The following ADAD2 variants were observed in gnomAD, a reference collection of about 807,000 sequenced individuals.
The protein encoded by ADAD2 is adenosine deaminase domain containing 2, also known as adenosine deaminase domain-containing protein 2.
ADAD2 carries 60 observed loss-of-function variants against 54.5 expected under a neutral mutation model. The observed-to-expected ratio is 1.10, with a 90% CI of 0.89 to 1.36. The LOEUF is 1.36. ADAD2 is among the 40% of genes most tolerant of loss of function. The pLI is 0.00. For missense variants in ADAD2, 1,103 were observed against 801.3 expected (o/e 1.38, Z -4.54); for synonymous variants, 543 against 366.2 (o/e 1.48, Z -5.51).
At chr16:84,194,076 G>T in intron 1 of ADAD2, 1 of 1,613,656 alleles carries the variant, frequency 6.2e-7, no homozygotes, top group Non-Finnish European at 8.5e-7. Context: ...AGGTGGAAGT[G>T]CTCAGAGCCT....
rs757553820 is a variant in ADAD2, at chr16:84,196,365, G to A, written c.1521G>A (p.Lys507=). The A allele has an allele frequency of 3.1e-6, 5 of 1,610,904 alleles. No homozygotes were observed. The highest frequency in any genetic ancestry group is 4.2e-6 in the Non-Finnish European group (5 of 1,178,936). ...TGGATGTGGCCACCGGGCGTGTGAA[G>A]GCCAAGTGAGAAGGGCCCCCTGGGG... The part of the protein sequence containing the change: ...EVVDVATGRV[K]ANAALGPPSR... Residue 507 remains lysine, a synonymous_variant, in exon 8 of 10, where the codon AAG becomes AAA. Coordinates refer to ENST00000315906, the MANE Select transcript of ADAD2 (RefSeq NM_001145400.2).
Position 84,195,057 on chromosome 16 carries a change from G to T in ADAD2, c.608-12G>T. 1 of 1,612,880 alleles carries T rather than the reference G, an allele frequency of 6.2e-7. No individual in the cohort carries two copies. The highest frequency in any genetic ancestry group is 8.5e-7 in the Non-Finnish European group (1 of 1,179,546). On this transcript the variant is annotated splice_polypyrimidine_tract_variant and intron_variant, in intron 3 of 9. Transcript: ENST00000315906. ...GGCCCCCTTCTACCTGCAGTCTCTC[G>T]CCCTGGCGCAGAGAACATCCTGACC...
rs761429242 is a variant in ADAD2 at position 84,195,641 on chromosome 16, C to T, written c.996C>T (p.Arg332=). 32 of 1,601,558 alleles carry T rather than the reference C, an allele frequency of 2.0e-5. No individual in the cohort carries two copies. The highest frequency in any genetic ancestry group is 1.2e-4 in the South Asian group (11 of 89,552). Residue 332 remains arginine, a synonymous_variant, in exon 6 of 10, where the codon CGC becomes CGT. Coordinates refer to ENST00000315906, the MANE Select transcript of ADAD2 (RefSeq NM_001145400.2). ...GPGPPFTLKP[R]VFLHLYISNT... ...GACCCCCATTCACCCTCAAGCCCCG[C>T]GTCTTCCTGCACCTCTACATCAGCA...
Position 84,195,282 on chromosome 16 carries a change from C to T in ADAD2, c.734-14C>T, listed in dbSNP as rs756181546. 31 of 1,612,184 alleles carry T rather than the reference C, an allele frequency of 1.9e-5. No individual in the cohort carries two copies. Among genetic ancestry groups the T allele is most frequent in the Non-Finnish European group, 2.4e-5 (28 of 1,179,836 alleles). ...TTGCCTTAGGCTGGGCCGTCTCTGC[C>T]CCCTCCTGCACAGAGATCCCGCGTG... On this transcript the variant is annotated splice_polypyrimidine_tract_variant and intron_variant, in intron 4 of 9. Transcript: ENST00000315906.
rs748733074 is a variant in ADAD2 at position 84,195,430 on chromosome 16, C to T, written c.868C>T (p.Arg290Cys). Residue 290 changes from arginine (R) to cysteine (C), a missense_variant, in exon 5 of 10, where the codon CGC becomes TGC. Coordinates refer to ENST00000315906, the MANE Select transcript of ADAD2 (RefSeq NM_001145400.2). ...CGACTGCCATGGCCTGGTCATCGCCCGCAGGGCCCTGCTGAGGTGAGGGGC... is the reference window on the plus strand; with the variant it reads ...CGACTGCCATGGCCTGGTCATCGCCTGCAGGGCCCTGCTGAGGTGAGGGGC... ...LHDCHGLVIA[R>C]RALLRFLFRQ... is the part of the protein sequence containing the mutation. 1.1e-5 allele frequency: 18 copies of T among 1,609,704 alleles called. No homozygotes were observed. Among genetic ancestry groups the T allele is most frequent in the South Asian group, 9.9e-5 (9 of 90,980 alleles).
intron 1 of ADAD2, chr16:84,193,639 A>G (rs956692198): frequency 1.1e-5 from 2 of 180,188 alleles, no homozygotes; most frequent in Non-Finnish European, 2.4e-5. Context: ...TCATGTAGAT[A>G]TCCTGTCCCT....
In ADAD2 at chr16:84,195,500, T is replaced by G. The variant is rs373557886; in HGVS notation, c.885-30T>G. ...AGCAGCCTTCGCCAGGACAAGGTCT[T>G]CCCAACCACCCTGTGCCTGTCGCTC... On this transcript the variant is annotated intron_variant, in intron 5 of 9. Transcript: ENST00000315906. 13 of 1,603,966 alleles carry G rather than the reference T, an allele frequency of 8.1e-6. No individual in the cohort carries two copies. In the African/African-American group the frequency reaches 1.7e-4, roughly 21 times the overall value.
chr16:84,196,882 C>A lies in ADAD2; in HGVS notation c.1660C>A (p.Gln554Lys), dbSNP rs767423794. Residue 554 changes from glutamine to lysine, a missense_variant, in exon 10 of 10, where the codon CAG becomes AAG. Physicochemically the swap from Gln to Lys is moderately conservative, Grantham distance 53. Transcript: ENST00000315906. ...TYEAAKAGPY[Q>K]EARRQLSLLL... ...TCTCCCGCCCTAGGCTGGGCCCTACCAGGAGGCTCGCAGGCAGCTGTCTCT... is the reference window on the plus strand; with the variant it reads ...TCTCCCGCCCTAGGCTGGGCCCTACAAGGAGGCTCGCAGGCAGCTGTCTCT... The A allele has an allele frequency of 1.3e-6, 2 of 1,593,478 alleles. No individual in the cohort carries two copies. The highest frequency in any genetic ancestry group is 1.7e-6 in the Non-Finnish European group (2 of 1,170,202).
At position 84,195,209 on chromosome 16, in the gene ADAD2, A is replaced by AGCCCTGGCCCTG. The variant is rs772904633; in HGVS notation, c.733+20_733+31dup. The AGCCCTGGCCCTG allele has an allele frequency of 6.2e-7, 1 of 1,611,320 alleles. No individual in the cohort carries two copies. The highest frequency in any genetic ancestry group is 2.2e-5 in the East Asian group (1 of 44,814). On this transcript the variant is annotated intron_variant, in intron 4 of 9. Transcript: ENST00000315906. ...CCTGGAGAGGGGTAGGGATCGCCCCAGCCCTGGCCCTGGCCCCGGCCCCCT... is the reference window on the plus strand; with the variant it reads ...CCTGGAGAGGGGTAGGGATCGCCCCAGCCCTGGCCCTGGCCCTGGCCCTGGCCCCGGCCCCCT...
chr16:84,191,489 T>G lies in ADAD2; in HGVS notation c.259T>G (p.Leu87Val). ...GGGGGCAGCCCGGGCGTGGGAAAAC[T>G]TGGGGGAACAGATGGGGAAGGCCCC... ...ELGAARAWEN[L>V]GEQMGKAPRV... Residue 87 changes from leucine to valine, a missense_variant, in exon 1 of 10, where the codon TTG becomes GTG. Transcript: ENST00000315906. The G allele has an allele frequency of 1.3e-6, 2 of 1,540,344 alleles. No individual in the cohort carries two copies. Among genetic ancestry groups the G allele is most frequent in the Non-Finnish European group, 1.7e-6 (2 of 1,144,854 alleles).
Position 84,195,545 on chromosome 16 carries a change from G to A in ADAD2, c.900G>A (p.Gln300=), listed in dbSNP as rs773055888. The A allele has an allele frequency of 1.9e-5, 30 of 1,597,224 alleles. No individual in the cohort carries two copies. The highest frequency in any genetic ancestry group is 2.4e-5 in the Non-Finnish European group (28 of 1,171,362). Residue 300 remains glutamine, a synonymous_variant, in exon 6 of 10, where the codon CAG becomes CAA. Coordinates refer to ENST00000315906, the MANE Select transcript of ADAD2 (RefSeq NM_001145400.2). The part of the protein sequence containing the change: ...RRALLRFLFR[Q]LLLATQGGPK... Reference sequence around the variant, plus strand: ...TCGCTCCTAGGTTCTTGTTCCGGCAGCTCCTGCTGGCCACACAGGGGGGCC... The same window carrying A: ...TCGCTCCTAGGTTCTTGTTCCGGCAACTCCTGCTGGCCACACAGGGGGGCC...
Position 84,195,208 on chromosome 16 carries a change from C to T in ADAD2, c.733+14C>T, listed in dbSNP as rs565383830. The T allele has an allele frequency of 5.6e-6, 9 of 1,611,246 alleles. No homozygotes were observed. In the Admixed American group the frequency reaches 1.2e-4, roughly 21 times the overall value. The stretch of plus-strand genomic sequence containing the variant: ...TCCTGGAGAGGGGTAGGGATCGCCC[C>T]AGCCCTGGCCCTGGCCCCGGCCCCC... On this transcript the variant is annotated intron_variant, in intron 4 of 9. Transcript: ENST00000315906.
chr16:84,191,551 G>C lies in ADAD2; in HGVS notation c.321G>C (p.Pro107=), dbSNP rs1016956518. 1 of 1,548,162 alleles carries C rather than the reference G, an allele frequency of 6.5e-7. No homozygotes were observed. The highest frequency in any genetic ancestry group is 1.2e-5 in the South Asian group (1 of 84,056). ...TGCCCCCAGCAGGGCTCAGCCTGCC[G>C]CTCAAAGACCCACCTGCCAGCCAGG... ...VPVPPAGLSL[P]LKDPPASQAV... Residue 107 remains proline (P), a synonymous_variant, in exon 1 of 10, where the codon CCG becomes CCC. Transcript: ENST00000315906.
In ADAD2 at chr16:84,191,352, G is replaced by A. The variant is rs767625659; in HGVS notation, c.122G>A (p.Ser41Asn). The stretch of plus-strand genomic sequence containing the variant: ...CGACCGCTACCCGCCCAGGCCCAAA[G>A]TGCCTGGGGGCCCGCGCCCGCGCCC... The part of the protein sequence containing the change: ...PWRPLPAQAQ[S>N]AWGPAPAPAT... Residue 41 changes from serine to asparagine, a missense_variant, in exon 1 of 10, where the codon AGT becomes AAT. Coordinates refer to ENST00000315906, the MANE Select transcript of ADAD2 (RefSeq NM_001145400.2). 13 of 1,561,826 alleles carry A rather than the reference G, an allele frequency of 8.3e-6. No homozygotes were observed. Among genetic ancestry groups the A allele is most frequent in the Admixed American group, 3.9e-5 (2 of 50,956 alleles).
rs1188332990 is a variant in ADAD2 at position 84,191,192 on chromosome 16, C to T, written c.-39C>T. ...CGCGTGTGAAAGGGCGAGAGCAGCG[C>T]GAGATAGGGCCTAGCGCCTCAGATC... On this transcript the variant is annotated 5_prime_UTR_variant, in exon 1 of 10. Coordinates refer to ENST00000315906, the MANE Select transcript of ADAD2 (RefSeq NM_001145400.2). The T allele has an allele frequency of 6.3e-6, 10 of 1,585,354 alleles. No individual in the cohort carries two copies. The highest frequency in any genetic ancestry group is 7.7e-6 in the Non-Finnish European group (9 of 1,163,412).
chr16:84,195,123 A>G lies in ADAD2; in HGVS notation c.662A>G (p.Asp221Gly). 6.2e-7 allele frequency: 1 copy of G among 1,613,322 alleles called. No homozygotes were observed. The highest frequency in any genetic ancestry group is 8.5e-7 in the Non-Finnish European group (1 of 1,179,926). The change falls in exon 4 of 10, where the codon GAC becomes GGC. Residue 221 changes from aspartate (D) to glycine (G), a missense_variant. Transcript: ENST00000315906. The stretch of plus-strand genomic sequence containing the variant: ...GCAGCGTTGGTGAGCGCCGGCTTTG[A>G]CCTCCTGTTGGACGAGCGCTCGCCA... ...RCAALVSAGF[D>G]LLLDERSPYW...
chr16:84,196,258 G>A lies in ADAD2; in HGVS notation c.1414G>A (p.Val472Met), dbSNP rs919756550. 4.3e-6 allele frequency: 7 copies of A among 1,612,530 alleles called. No homozygotes were observed. Among genetic ancestry groups the A allele is most frequent in the Admixed American group, 3.3e-5 (2 of 59,996 alleles). ...CCTGCACCTGTTTGCAGGGCCCCCG[G>A]TGGCCCCTTCCGAACCCACCCCTGA... is the stretch of plus-strand genomic sequence containing the variant. Reference protein sequence around the residue: ...TALHLFAGPPVAPSEPTPDTC... With the variant: ...TALHLFAGPPMAPSEPTPDTC... Residue 472 changes from valine (V) to methionine (M), a missense_variant, in exon 8 of 10, where the codon GTG (valine) becomes ATG (methionine). Physicochemically the swap from Val to Met is conservative, Grantham distance 21. Coordinates refer to ENST00000315906, the MANE Select transcript of ADAD2 (RefSeq NM_001145400.2).
chr16:84,191,614 C>A lies in ADAD2; in HGVS notation c.384C>A (p.Gly128=). The A allele has an allele frequency of 6.4e-7, 1 of 1,554,250 alleles. No individual in the cohort carries two copies. The highest frequency in any genetic ancestry group is 8.7e-7 in the Non-Finnish European group (1 of 1,149,218). The part of the protein sequence containing the change: ...SLLTEYAASL[G]IFLLFREDQP... Reference sequence around the variant, plus strand: ...TCACGGAGTACGCGGCCAGCCTGGGCATCTTCCTGCTCTTCCGGGAGGACC... The same window carrying A: ...TCACGGAGTACGCGGCCAGCCTGGGAATCTTCCTGCTCTTCCGGGAGGACC... The change falls in exon 1 of 10, where the codon GGC becomes GGA. Residue 128 remains glycine (G), a synonymous_variant. Transcript: ENST00000315906.
chr16:84,193,808 G>A (rs2089688112), intron 1 of ADAD2: 3 of 546,628 alleles, frequency 5.5e-6, no homozygotes, highest in South Asian at 2.8e-5. Context: ...AGAGCAGACA[G>A]ATCTCAGCGC....
Sources: gnomAD v4.1 joint callset for allele counts on GRCh38, gnomAD v4.1.1 for gene constraint, MANE v1.5 for transcripts, NCBI Gene and HGNC (gene_info 2026-07-23, HGNC 2026-07-21) for gene names.